The following HNRNPD variants were observed in gnomAD, a reference collection of about 807,000 sequenced individuals.
HNRNPD encodes heterogeneous nuclear ribonucleoprotein D0.
HNRNPD carries 3 observed loss-of-function variants against 47.9 expected under a neutral mutation model. The observed-to-expected ratio is 0.06, with a 90% CI of 0.03 to 0.16. The LOEUF is 0.16. HNRNPD is among the 10% of genes least tolerant of loss of function. The pLI, the probability that HNRNPD is intolerant of heterozygous loss-of-function variation, is 1.00. For missense variants in HNRNPD, 287 were observed against 454.2 expected (o/e 0.63, Z 3.35); for synonymous variants, 171 against 165.1 (o/e 1.04, Z -0.28).
At chr4:82,372,047 T>C (rs186629167) in intron 1 of HNRNPD, among the ~76,000 whole-genome samples, 3 of 152,038 alleles carry the variant, frequency 2.0e-5, no homozygotes, top group East Asian at 1.9e-4. Flanking sequence ...TCCCTCCAAA[T>C]CCTGGGCTCT....
At chr4:82,366,159 CAT>C (rs1719744751) in intron 2 of HNRNPD, among the ~76,000 whole-genome samples, 1 of 152,176 alleles carries the variant, frequency 6.6e-6, no homozygotes, top group African/African-American at 2.4e-5. Context: ...TATTAAATCT[CAT>C]TACTTCACAC....
In HNRNPD at chr4:82,373,640, T is replaced by TGCCGCC. The variant is rs762068003; in HGVS notation, c.33_38dup (p.Ala14_Ala15dup). The TGCCGCC allele has an allele frequency of 6.6e-6, 10 of 1,525,318 alleles. No homozygotes were observed. Among genetic ancestry groups the TGCCGCC allele is most frequent in the Non-Finnish European group, 8.8e-6 (10 of 1,142,702 alleles). The allele number at this position is 1,525,318 out of a possible 1,614,324, so 94.5% of individuals were successfully genotyped here. A position where few individuals can be genotyped will look rare whatever the true frequency, so the allele number is the denominator to read the frequency against. On this transcript the variant is annotated inframe_insertion, in exon 1 of 9. Transcript: ENST00000313899. ...AGCCGCCTACCGCCGCCGTTGCCGC[T>TGCCGCC]GCCGCCGCCCCGTCCCCGCCGAACT... is the stretch of plus-strand genomic sequence containing the variant.
intron 2 of HNRNPD, 110 bp downstream of exon 2, chr4:82,371,418 T>G (rs1720042600): frequency 3.6e-6 from 3 of 825,612 alleles, no homozygotes; most frequent in Non-Finnish European, 3.9e-6. Context: ...CTGTATGTAC[T>G]ATGGTCTAGA....
intron 7 of HNRNPD, chr4:82,356,267 A>G (rs1318110602): frequency 2.9e-6 from 1 of 343,402 alleles, no homozygotes; most frequent in Non-Finnish European, 5.2e-6. Context: ...TGAGCTTAAA[A>G]GATCTGAACT....
chr4:82,365,175 C>T (rs150587312), intron 2 of HNRNPD, among the ~76,000 whole-genome samples: 409 of 152,268 alleles, frequency 2.7e-3, no homozygotes, highest in African/African-American at 9.2e-3. Flanking sequence ...GCCACCACAC[C>T]CAGCCAATCC....
chr4:82,373,417 C>A (rs1264659462), intron 1 of HNRNPD, 29 bp downstream of exon 1: 1 of 1,559,020 alleles, frequency 6.4e-7, no homozygotes, highest in East Asian at 2.3e-5. Context: ...CTAGTTGGGC[C>A]TGACTATCCT....
intron 7 of HNRNPD, chr4:82,355,885 G>T (rs1723692163): frequency 6.4e-6 from 1 of 155,444 alleles, no homozygotes; most frequent in Non-Finnish European, 1.4e-5. Context: ...ATAACTCCAA[G>T]AACTGGTCTA....
chr4:82,358,556 T>C (rs1210702981), intron 4 of HNRNPD, 103 bp downstream of exon 4: 1 of 964,926 alleles, frequency 1.0e-6, no homozygotes, highest in Non-Finnish European at 1.6e-6. Flanking sequence ...TCACATAATC[T>C]ACCCTAACAG....
rs1206814379 is a variant in HNRNPD at position 82,373,798 on chromosome 4, G to A, written c.-120C>T. Reference sequence around the variant, plus strand: ...CCGCTCTACCTCGCGAAGCACACAAGACAGGGAAGGCGCGCGCGTGGCTGC... The same window carrying A: ...CCGCTCTACCTCGCGAAGCACACAAAACAGGGAAGGCGCGCGCGTGGCTGC... On this transcript the variant is annotated 5_prime_UTR_variant, in exon 1 of 9. Coordinates refer to ENST00000313899, the MANE Select transcript of HNRNPD (RefSeq NM_031370.3). 1.5e-5 allele frequency: 23 copies of A among 1,508,940 alleles called. No homozygotes were observed. Among genetic ancestry groups the A allele is most frequent in the Admixed American group, 2.0e-5 (1 of 48,996 alleles). The allele number at this position is 1,508,940 out of a possible 1,614,324, so 93.5% of individuals were successfully genotyped here. A position where few individuals can be genotyped will look rare whatever the true frequency, so the allele number is the denominator to read the frequency against.
At chr4:82,356,973 G>T in intron 5 of HNRNPD, 78 bp from the exon 6 acceptor site, 1 of 1,215,954 alleles carries the variant, frequency 8.2e-7, no homozygotes, top group Non-Finnish European at 1.2e-6. Context: ...AACCAGAATA[G>T]CCAACATGTT....
chr4:82,368,807 A>G (rs974758210), intron 2 of HNRNPD, among the ~76,000 whole-genome samples: 4 of 152,256 alleles, frequency 2.6e-5, no homozygotes, highest in Non-Finnish European at 4.4e-5. Context: ...GCACTAAGGT[A>G]TAAGACCATA....
intron 1 of HNRNPD, 140 bp downstream of exon 1, chr4:82,373,306 A>T: frequency 8.6e-7 from 1 of 1,165,828 alleles, no homozygotes; most frequent in Non-Finnish European, 1.2e-6. Flanking sequence ...CCCAACATAG[A>T]AAAAGGGAGA....
At chr4:82,358,933 T>G in intron 3 of HNRNPD, 113 bp from the exon 4 acceptor site, 1 of 765,492 alleles carries the variant, frequency 1.3e-6, no homozygotes, top group Non-Finnish European at 2.1e-6. Context: ...ATATGTTGAC[T>G]TGCTCAAGAT....
Position 82,373,669 on chromosome 4 carries a change from C to T in HNRNPD, c.10G>A (p.Glu4Lys). 8 of 1,529,686 alleles carry T rather than the reference C, an allele frequency of 5.2e-6. No individual in the cohort carries two copies. Among genetic ancestry groups the T allele is most frequent in the Non-Finnish European group, 5.2e-6 (6 of 1,144,748 alleles). The allele number at this position is 1,529,686 out of a possible 1,614,324, so 94.8% of individuals were successfully genotyped here. The change falls in exon 1 of 9, where the codon GAG becomes AAG. Residue 4 changes from glutamate (E) to lysine (K), a missense_variant. By Grantham distance (56) the Glu-to-Lys change is moderately conservative (BLOSUM62 1). This residue lies in a region of HNRNPD where 161 missense variants were observed against 137.1 expected (regional missense o/e 1.17). Coordinates refer to ENST00000313899, the MANE Select transcript of HNRNPD (RefSeq NM_031370.3). MSE[E>K]QFGGDGAAAA... ...GCCGCCCCGTCCCCGCCGAACTGCT[C>T]CTCCGACATAGTGCTAGTGTCTCCG...
chr4:82,368,078 A>T (rs764676336), intron 2 of HNRNPD, among the ~76,000 whole-genome samples: 7 of 152,170 alleles, frequency 4.6e-5, no homozygotes, highest in Non-Finnish European at 1.0e-4. Context: ...GGACTAACAT[A>T]AGTTATGTTT....
At chr4:82,370,911 C>A (rs1294133130) in intron 2 of HNRNPD, among the ~76,000 whole-genome samples, 1 of 151,788 alleles carries the variant, frequency 6.6e-6, no homozygotes, top group Non-Finnish European at 1.5e-5. Context: ...CCAAATCACA[C>A]TGAAAATAAA....
chr4:82,356,195 A>T (rs761486291), intron 7 of HNRNPD: 4 of 193,284 alleles, frequency 2.1e-5, no homozygotes, highest in Non-Finnish European at 3.1e-5. Flanking sequence ...TCAGTTTTAT[A>T]GGATTAAGAC....
At chr4:82,368,531 T>G (rs2110001205) in intron 2 of HNRNPD, among the ~76,000 whole-genome samples, 1 of 152,340 alleles carries the variant, frequency 6.6e-6, no homozygotes, top group East Asian at 1.9e-4. Context: ...TCATAATAGA[T>G]GAAAATTTAC....
intron 2 of HNRNPD, among the ~76,000 whole-genome samples, chr4:82,362,814 G>C (rs1719542157): frequency 1.3e-5 from 2 of 152,070 alleles, no homozygotes; most frequent in Admixed American, 1.3e-4. Context: ...TGGCCAGGCT[G>C]GTCTTGAACT....
Sources: allele counts gnomAD v4.1 joint callset (sites outside exome capture counted in the v4.1 genomes callset), GRCh38; gene constraint gnomAD v4.1.1; regional missense constraint gnomAD v4.1.1; transcripts MANE v1.5; gene names NCBI Gene and HGNC (gene_info 2026-07-23, HGNC 2026-07-21).